The following RBFOX3 variants were observed in gnomAD, a reference collection of about 807,000 sequenced individuals.
RBFOX3 encodes RNA binding fox-1 homolog 3.
In RBFOX3, 17 loss-of-function variants were observed where a neutral mutation model predicts 48.7. The observed-to-expected ratio is 0.35, with a 90% CI of 0.24 to 0.52. RBFOX3 has a LOEUF of 0.52. Ranked by LOEUF, RBFOX3 falls within the 20% of genes least tolerant of loss-of-function variation. The probability of loss-of-function intolerance (pLI) is 0.94; values close to 1 mark genes in which losing one functional copy is unlikely to be tolerated. For missense variants in RBFOX3, 382 were observed against 497.5 expected, an observed-to-expected ratio of 0.77 and a Z score of 2.21; for synonymous variants, 212 against 209.5, an observed-to-expected ratio of 1.01 and a Z score of -0.10.
chr17:79,094,430 G>C (rs1406328482), intron 14 of RBFOX3, 21 bp downstream of exon 14: 11 of 1,490,652 alleles, frequency 7.4e-6, no homozygotes, highest in Non-Finnish European at 9.8e-6. Flanking sequence ...ACCCAGGGCT[G>C]GGCGGGCCTG....
intron 1 of RBFOX3, among the ~76,000 whole-genome samples, chr17:79,575,864 C>T (rs2092841183): frequency 1.3e-5 from 2 of 152,238 alleles, no homozygotes; most frequent in South Asian, 2.1e-4. Context: ...TAGTAGCAAG[C>T]CCACCCCCTC....
chr17:79,145,277 A>T lies in RBFOX3; in HGVS notation c.-33-29529T>A, dbSNP rs977324022. Among the ~76,000 whole-genome samples the T allele has an allele frequency of 6.6e-5, 10 of 152,252 alleles. No homozygotes were observed. In the East Asian group the frequency reaches 1.9e-3, roughly 29 times the overall value. On this transcript the variant is annotated intron_variant, in intron 4 of 14. Transcript: ENST00000693108. ...CTCCTGGGGTCTTGCAGAGATTCTG[A>T]CTCAGTGGTATGGGATGGGCTGAGT... is the stretch of plus-strand genomic sequence containing the variant.
At chr17:79,561,259 A>G (rs2092195895) in intron 1 of RBFOX3, among the ~76,000 whole-genome samples, 2 of 152,148 alleles carry the variant, frequency 1.3e-5, no homozygotes, top group African/African-American at 2.4e-5. Flanking sequence ...CCGTGCTCCA[A>G]GGGTTCAAAG....
At chr17:79,165,700 A>G (rs2047858111) in intron 4 of RBFOX3, among the ~76,000 whole-genome samples, 1 of 152,196 alleles carries the variant, frequency 6.6e-6, no homozygotes, top group Non-Finnish European at 1.5e-5. Context: ...AGACCTGCAC[A>G]AGGGCTTGGG....
chr17:79,639,615 T>G, the RBFOX3 span, among the ~76,000 whole-genome samples: 1 of 152,136 alleles, frequency 6.6e-6, no homozygotes, highest in East Asian at 1.9e-4. Flanking sequence ...TAAACTGAAC[T>G]CAACAACACA....
Position 79,104,927 on chromosome 17 carries a change from G to GACCTGAACCCAGGCCCTGCCTC in RBFOX3, c.361-802_361-801insGAGGCAGGGCCTGGGTTCAGGT, listed in dbSNP as rs1403697040. On this transcript the variant is annotated intron_variant, in intron 6 of 14. Transcript: ENST00000693108. ...TGCTGGCGTGCGGTGCTGAGCAACT[G>GACCTGAACCCAGGCCCTGCCTC]TTCAGGTCGTTTGGGCCAGCTGGGC... 2.6e-5 allele frequency among the ~76,000 whole-genome samples: 4 copies of GACCTGAACCCAGGCCCTGCCTC among 152,294 alleles called. No individual in the cohort carries two copies. In the East Asian group the frequency reaches 7.7e-4, roughly 29 times the overall value.
At position 79,390,631 on chromosome 17, in the gene RBFOX3, C is replaced by G. The variant is rs1598486199; in HGVS notation, c.-174-82807G>C. 6.6e-6 allele frequency among the ~76,000 whole-genome samples: 1 copy of G among 152,184 alleles called. No homozygotes were observed. Among genetic ancestry groups the G allele is most frequent in the South Asian group, 2.1e-4 (1 of 4,830 alleles). ...TAGCTGGGATTACAGGCGCCTGCCA[C>G]CAAACCCAGCTAATTTTGTATTTTT... is the stretch of plus-strand genomic sequence containing the variant. On this transcript the variant is annotated intron_variant, in intron 2 of 14. Coordinates refer to ENST00000693108, the MANE Select transcript of RBFOX3 (RefSeq NM_001350451.2). The surrounding 1 kb of genome is among the most constrained non-coding windows in gnomAD (Gnocchi z 4.2).
intron 1 of RBFOX3, among the ~76,000 whole-genome samples, chr17:79,578,963 C>T (rs1236297685): frequency 6.6e-6 from 1 of 152,202 alleles, no homozygotes; most frequent in Non-Finnish European, 1.5e-5. Context: ...GACGCAGTGG[C>T]CTTGACTCAG....
rs1035304423 is a variant in RBFOX3 at position 79,414,472 on chromosome 17, C to T, written c.-175+67982G>A. Among the ~76,000 whole-genome samples the T allele has an allele frequency of 4.6e-5, 7 of 152,188 alleles. No individual in the cohort carries two copies. The East Asian group carries it at 5.8e-4, about 13-fold the overall frequency. On this transcript the variant is annotated intron_variant, in intron 2 of 14. Transcript: ENST00000693108. ...CAGCGTGTATTTCCATATGCAAATG[C>T]GGCGGGACGGTGCCCCGTGTGTCCA...
At chr17:79,617,856 C>T in the RBFOX3 span, among the ~76,000 whole-genome samples, 1 of 152,234 alleles carries the variant, frequency 6.6e-6, no homozygotes, top group Non-Finnish European at 1.5e-5. Flanking sequence ...GGGTCCTGGC[C>T]TGGGATGCTG....
At chr17:79,424,250 G>A (rs35706714) in intron 2 of RBFOX3, 35,336 of 152,372 alleles carry the variant, frequency 0.23, 4,190 homozygotes, top group Middle Eastern at 0.3. Flanking sequence ...CACAGGTGGC[G>A]TGGGAATCAT....
chr17:79,158,829 C>T (rs1057128461), intron 4 of RBFOX3, among the ~76,000 whole-genome samples: 2 of 152,206 alleles, frequency 1.3e-5, no homozygotes, highest in East Asian at 1.9e-4. Flanking sequence ...GCTCAGCCCA[C>T]GTGGCAGTCA....
At chr17:79,247,715 T>C (rs1264311241) in intron 3 of RBFOX3, among the ~76,000 whole-genome samples, 4 of 115,204 alleles carry the variant, frequency 3.5e-5, no homozygotes, top group African/African-American at 1.3e-4. Flanking sequence ...GGGTGGGGCA[T>C]CTCCACTCTT....
At chr17:79,146,960 C>A (rs951556844) in intron 4 of RBFOX3, among the ~76,000 whole-genome samples, 18 of 152,196 alleles carry the variant, frequency 1.2e-4, no homozygotes, top group African/African-American at 4.3e-4. Flanking sequence ...AAAACGGGCC[C>A]CCTGCCTGCC....
At chr17:79,425,798 T>C (rs532245796) in intron 2 of RBFOX3, among the ~76,000 whole-genome samples, 2 of 151,644 alleles carry the variant, frequency 1.3e-5, no homozygotes, top group East Asian at 3.9e-4. Flanking sequence ...CACTGGACAG[T>C]TGCAGTGGAG....
intron 1 of RBFOX3, among the ~76,000 whole-genome samples, chr17:79,528,354 ACTCTGAGGAGGATCTTAGTTGAAC>A: frequency 1.3e-5 from 1 of 77,416 alleles, no homozygotes; most frequent in Non-Finnish European, 2.2e-5. Flanking sequence ...CTTAGTTGAA[ACTCTGAGGAGGATCTTAGTTGAAC>A]CTCTGAGGTA....
intron 4 of RBFOX3, chr17:79,208,465 C>G (rs1173435952): frequency 6.6e-6 from 1 of 152,324 alleles, no homozygotes; most frequent in East Asian, 1.9e-4. Flanking sequence ...CTGGGGTCTC[C>G]AACCCCTGGC....
chr17:79,349,134 C>T (rs1272919256), intron 2 of RBFOX3, among the ~76,000 whole-genome samples: 4 of 151,994 alleles, frequency 2.6e-5, no homozygotes, highest in African/African-American at 4.8e-5. Context: ...CCACGCCTGG[C>T]GCTCCATCAT....
At chr17:79,300,730 C>T (rs145562993) in intron 3 of RBFOX3, among the ~76,000 whole-genome samples, 18 of 152,290 alleles carry the variant, frequency 1.2e-4, no homozygotes, top group African/African-American at 4.1e-4. Flanking sequence ...ATCTAGTTTC[C>T]AAGCCGACGT....
Sources: gnomAD v4.1 joint callset for allele counts (sites outside exome capture counted in the v4.1 genomes callset) on GRCh38, gnomAD v4.1.1 for gene constraint, Gnocchi (gnomAD v3.1) non-coding constraint, MANE v1.5 for transcripts, NCBI Gene and HGNC (gene_info 2026-07-23, HGNC 2026-07-21) for gene names.